Variants in ANO4 observed in about 807,000 individuals in gnomAD.
The protein encoded by ANO4 is anoctamin 4, also known as anoctamin-4.
Under a neutral mutation model 141.9 loss-of-function variants are expected in ANO4, and 69 were observed. The ratio of observed to expected loss-of-function variants is 0.49; its 90% confidence interval spans 0.40 to 0.59. The LOEUF is 0.59. Among genes scored for constraint, ANO4 ranks in the 20% least tolerant of loss-of-function variants. The probability of loss-of-function intolerance (pLI) is 0.00; values close to 1 mark genes in which losing one functional copy is unlikely to be tolerated. For synonymous variants in ANO4, 350 were observed against 394.3 expected (o/e 0.89, Z 1.33); for missense variants, 894 against 1,162.2 (o/e 0.77, Z 3.36).
At chr12:100,812,494 A>G (rs933149517) in intron 1 of ANO4, among the ~76,000 whole-genome samples, 2 of 152,196 alleles carry the variant, frequency 1.3e-5, no homozygotes, top group Admixed American at 6.6e-5. Flanking sequence ...CCTTATTCAT[A>G]CATAATAATG....
chr12:100,938,967 C>G (rs2042396275), intron 3 of ANO4, among the ~76,000 whole-genome samples: 1 of 152,112 alleles, frequency 6.6e-6, no homozygotes, highest in Non-Finnish European at 1.5e-5. Context: ...ATCTCCAACC[C>G]TTTTCCAACC....
intron 3 of ANO4, among the ~76,000 whole-genome samples, chr12:100,742,428 T>C (rs2031911591): frequency 6.6e-6 from 1 of 152,150 alleles, no homozygotes; most frequent in African/African-American, 2.4e-5. Flanking sequence ...TACTTAATTT[T>C]TTGCTTCTTT....
intron 1 of ANO4, among the ~76,000 whole-genome samples, chr12:100,723,336 G>A (rs1301812485): frequency 6.6e-6 from 1 of 152,124 alleles, no homozygotes; most frequent in African/African-American, 2.4e-5. Context: ...AGTCCCTGTT[G>A]GAGGTGGTGG....
At chr12:101,095,187 A>T (rs1003678599) in intron 18 of ANO4, among the ~76,000 whole-genome samples, 1 of 152,176 alleles carries the variant, frequency 6.6e-6, no homozygotes, top group Non-Finnish European at 1.5e-5. Context: ...AACAGATAGC[A>T]TTTACTGAAA....
intron 8 of ANO4, among the ~76,000 whole-genome samples, chr12:101,009,635 C>CT (rs1397392048): frequency 6.6e-6 from 1 of 151,994 alleles, no homozygotes; most frequent in Non-Finnish European, 1.5e-5. Flanking sequence ...TCTATGGAAC[C>CT]TTATATAATT....
intron 1 of ANO4, among the ~76,000 whole-genome samples, chr12:100,800,025 C>T (rs1021400871): frequency 6.6e-6 from 1 of 152,098 alleles, no homozygotes; most frequent in African/African-American, 2.4e-5. Context: ...ATGCAGATTA[C>T]GTGGCTGTAC....
At chr12:100,809,495 A>G (rs186557675) in intron 1 of ANO4, among the ~76,000 whole-genome samples, 4 of 152,276 alleles carry the variant, frequency 2.6e-5, no homozygotes. Context: ...AGAAGGCTTT[A>G]CTGAGCAACC....
chr12:100,908,881 A>C (rs1436932597), intron 2 of ANO4, among the ~76,000 whole-genome samples: 1 of 152,230 alleles, frequency 6.6e-6, no homozygotes, highest in Non-Finnish European at 1.5e-5. Flanking sequence ...GAACAATTTC[A>C]GTATGTTTAT....
chr12:101,090,661 CG>C (rs1168573745), intron 17 of ANO4, among the ~76,000 whole-genome samples: 1 of 151,848 alleles, frequency 6.6e-6, no homozygotes, highest in African/African-American at 2.4e-5. Context: ...GACGAGTTAA[CG>C]GGTGCAGCAC....
At chr12:100,872,826 T>A (rs2039098256) in intron 1 of ANO4, among the ~76,000 whole-genome samples, 1 of 152,230 alleles carries the variant, frequency 6.6e-6, no homozygotes, top group African/African-American at 2.4e-5. Context: ...GTATATTCTA[T>A]CCTGATGTGG....
At chr12:100,750,319 T>C (rs2135495729) in intron 3 of ANO4, among the ~76,000 whole-genome samples, 1 of 150,684 alleles carries the variant, frequency 6.6e-6, no homozygotes, top group South Asian at 2.1e-4. Context: ...TTTTTTTGTA[T>C]TTTTAGTAGA....
Position 100,806,605 on chromosome 12 carries a change from C to T in ANO4, c.-141+11578C>T, listed in dbSNP as rs540567993. On this transcript the variant is annotated intron_variant, in intron 1 of 27. Transcript: ENST00000392977. Reference sequence around the variant, plus strand: ...TGTCACCCAGGCTGGAGTGCCGTGGCGTGATCTCGGCTCACTGCAACCTCC... The same window carrying T: ...TGTCACCCAGGCTGGAGTGCCGTGGTGTGATCTCGGCTCACTGCAACCTCC... Among the ~76,000 whole-genome samples the T allele has an allele frequency of 9.2e-4, 111 of 120,886 alleles. 1 individual carries two copies. The highest frequency in any genetic ancestry group is 3.2e-3 in the African/African-American group (103 of 32,532). The allele number at this position is 120,886 out of a possible 152,430, so 79.3% of individuals were successfully genotyped here. A position where few individuals can be genotyped will look rare whatever the true frequency, so the allele number is the denominator to read the frequency against.
chr12:100,795,741 C>T lies in ANO4; in HGVS notation c.-141+714C>T, dbSNP rs540206158. 9.2e-5 allele frequency among the ~76,000 whole-genome samples: 14 copies of T among 152,316 alleles called. No homozygotes were observed. The South Asian group carries it at 2.9e-3, about 32-fold the overall frequency. Reference sequence around the variant, plus strand: ...GACAGGAACATTTTTGAGTTGACAACATAGTTTTGTCCTCCTGCTAGGAGA... The same window carrying T: ...GACAGGAACATTTTTGAGTTGACAATATAGTTTTGTCCTCCTGCTAGGAGA... On this transcript the variant is annotated intron_variant, in intron 1 of 27. Transcript: ENST00000392977.
At chr12:100,733,564 G>A (rs2031479806) in intron 1 of ANO4, among the ~76,000 whole-genome samples, 1 of 152,140 alleles carries the variant, frequency 6.6e-6, no homozygotes, top group Non-Finnish European at 1.5e-5. Flanking sequence ...AGCTGTCTGG[G>A]TTGTTTATTG....
intron 3 of ANO4, among the ~76,000 whole-genome samples, chr12:100,774,956 C>T (rs1390054792): frequency 6.6e-6 from 1 of 152,168 alleles, no homozygotes; most frequent in Non-Finnish European, 1.5e-5. Context: ...ATTTCTTATG[C>T]AAACTGTATT....
intron 8 of ANO4, among the ~76,000 whole-genome samples, chr12:101,008,919 T>C (rs2045972687): frequency 6.6e-6 from 1 of 152,322 alleles, no homozygotes; most frequent in East Asian, 1.9e-4. Context: ...TCTCTTTGTC[T>C]TTCACTTTTG....
intron 1 of ANO4, among the ~76,000 whole-genome samples, chr12:100,895,008 GA>G (rs2040281895): frequency 2.6e-5 from 4 of 151,446 alleles, no homozygotes. Context: ...AGAAAGTTTG[GA>G]AAAGTAAATT....
At chr12:100,743,207 T>A (rs2031949984) in intron 3 of ANO4, among the ~76,000 whole-genome samples, 1 of 151,746 alleles carries the variant, frequency 6.6e-6, no homozygotes, top group Non-Finnish European at 1.5e-5. Flanking sequence ...CGTGATCACA[T>A]ATGTTTTTGT....
At chr12:100,773,101 T>C (rs1440268322) in intron 3 of ANO4, among the ~76,000 whole-genome samples, 5 of 152,210 alleles carry the variant, frequency 3.3e-5, no homozygotes, top group Non-Finnish European at 7.3e-5. Context: ...GAGAAGTCCA[T>C]GATCAAGGTA....
Sources: gnomAD v4.1 joint callset for allele counts (sites outside exome capture counted in the v4.1 genomes callset) on GRCh38, gnomAD v4.1.1 for gene constraint, MANE v1.5 for transcripts, NCBI Gene and HGNC (gene_info 2026-07-23, HGNC 2026-07-21) for gene names.